The following CLASP1 variants were observed in gnomAD, a reference collection of about 807,000 sequenced individuals.
The protein encoded by CLASP1 is cytoplasmic linker associated protein 1.
CLASP1 carries 38 observed loss-of-function variants against 192.3 expected under a neutral mutation model. That is an observed-to-expected ratio of 0.20 (90% CI 0.15 to 0.26). The LOEUF is 0.26. Among genes scored for constraint, CLASP1 ranks in the 10% least tolerant of loss-of-function variants. CLASP1 has a pLI of 1.00. For missense variants in CLASP1, 1,433 were observed against 1,932.5 expected (o/e 0.74, Z 4.85); for synonymous variants, 691 against 712.8 (o/e 0.97, Z 0.49).
chr2:121,342,831 G>A (rs2062954063), intron 39 of CLASP1, among the ~76,000 whole-genome samples: 1 of 152,150 alleles, frequency 6.6e-6, no homozygotes, highest in Non-Finnish European at 1.5e-5. Flanking sequence ...TACTTGGGGA[G>A]GGGCTGAGAT....
At chr2:121,441,497 A>T (rs2083334627) in intron 19 of CLASP1, among the ~76,000 whole-genome samples, 1 of 152,190 alleles carries the variant, frequency 6.6e-6, no homozygotes, top group South Asian at 2.1e-4. Flanking sequence ...AGGCTGAGGC[A>T]GGAGGATGAC....
intron 35 of CLASP1, among the ~76,000 whole-genome samples, chr2:121,366,355 G>A (rs2067407170): frequency 6.6e-6 from 1 of 152,224 alleles, no homozygotes; most frequent in Admixed American, 6.5e-5. Flanking sequence ...AGTCTGAGAT[G>A]CTACCCACCA....
intron 28 of CLASP1, 104 bp from the exon 30 acceptor site, chr2:121,398,504 C>A (rs929749077): frequency 2.7e-6 from 2 of 741,650 alleles, no homozygotes; most frequent in Non-Finnish European, 4.4e-6. Flanking sequence ...GTATGTAAAA[C>A]CCTGTTCACA....
At chr2:121,524,322 A>G (rs2094523960) in intron 6 of CLASP1, among the ~76,000 whole-genome samples, 1 of 152,268 alleles carries the variant, frequency 6.6e-6, no homozygotes. Context: ...GAGGAAGGAT[A>G]CAAAACGATA....
At chr2:121,437,507 C>T (rs929319139) in intron 19 of CLASP1, among the ~76,000 whole-genome samples, 9 of 152,120 alleles carry the variant, frequency 5.9e-5, no homozygotes, top group African/African-American at 2.2e-4. Flanking sequence ...GCTGTGGACA[C>T]AAGTAATCCA....
At position 121,635,367 on chromosome 2, in the gene CLASP1, T is replaced by C. The variant is rs531444407; in HGVS notation, c.-286+14005A>G. On this transcript the variant is annotated intron_variant, in intron 1 of 39. Coordinates refer to ENST00000263710, the Ensembl canonical transcript of CLASP1. Reference sequence around the variant, plus strand: ...GAGAATAAAATAATTCCTTCCTTTGTTTCCACTATTAATAATAAATGTCTT... The same window carrying C: ...GAGAATAAAATAATTCCTTCCTTTGCTTCCACTATTAATAATAAATGTCTT... Among the ~76,000 whole-genome samples the C allele has an allele frequency of 7.2e-5, 11 of 152,332 alleles. No homozygotes were observed. In the East Asian group the frequency reaches 7.7e-4, roughly 11 times the overall value.
Position 121,544,942 on chromosome 2 carries a change from C to T in CLASP1, c.196-14617G>A, listed in dbSNP as rs1363083602. Among the ~76,000 whole-genome samples the T allele has an allele frequency of 6.1e-5, 9 of 148,526 alleles. 1 individual carries two copies. The South Asian group carries it at 1.9e-3, about 31-fold the overall frequency. On this transcript the variant is annotated intron_variant, in intron 2 of 39. Transcript: ENST00000263710. ...TTTTTTTATTTTTGAGACGGAGTCT[C>T]GCTCTGTCACCCAGGCTGGAGTGTA...
At chr2:121,398,239 A>C in intron 29 of CLASP1, 83 bp downstream of exon 30, 2 of 984,302 alleles carry the variant, frequency 2.0e-6, no homozygotes, top group Admixed American at 2.2e-5. Flanking sequence ...CACAATAGCT[A>C]AACATGGGTC....
intron 1 of CLASP1, among the ~76,000 whole-genome samples, chr2:121,628,801 T>C (rs1201726917): frequency 6.7e-6 from 1 of 149,830 alleles, no homozygotes; most frequent in Non-Finnish European, 1.5e-5. Flanking sequence ...CAGTTCAAAA[T>C]CTAAGAATGC....
chr2:121,627,108 A>T (rs540315882), intron 1 of CLASP1, among the ~76,000 whole-genome samples: 1 of 152,188 alleles, frequency 6.6e-6, no homozygotes, highest in African/African-American at 2.4e-5. Context: ...CATGATCAAA[A>T]ATAGGAAAAA....
At chr2:121,624,087 A>T (rs1408914119) in intron 1 of CLASP1, among the ~76,000 whole-genome samples, 2 of 151,786 alleles carry the variant, frequency 1.3e-5, no homozygotes, top group Non-Finnish European at 2.9e-5. Context: ...TTTGCACAGA[A>T]CCTATTTTTG....
At chr2:121,625,148 T>C (rs1192843075) in intron 1 of CLASP1, among the ~76,000 whole-genome samples, 1 of 152,212 alleles carries the variant, frequency 6.6e-6, no homozygotes, top group Non-Finnish European at 1.5e-5. Context: ...GAAGGGGTGT[T>C]CTATAAATGT....
intron 15 of CLASP1, among the ~76,000 whole-genome samples, chr2:121,451,537 G>A (rs908885798): frequency 3.3e-5 from 5 of 152,238 alleles, no homozygotes; most frequent in Non-Finnish European, 4.4e-5. Flanking sequence ...AGCAGGGCCA[G>A]AGTCAGTAAC....
chr2:121,390,348 G>A (rs148228602), intron 30 of CLASP1, among the ~76,000 whole-genome samples: 294 of 152,284 alleles, frequency 1.9e-3, no homozygotes, highest in Non-Finnish European at 3.2e-3. Context: ...TGTTATCTTC[G>A]TAAGAGGCAA....
chr2:121,595,942 A>C (rs2063090003), intron 2 of CLASP1, among the ~76,000 whole-genome samples: 1 of 152,248 alleles, frequency 6.6e-6, no homozygotes, highest in South Asian at 2.1e-4. Flanking sequence ...TCCTCTATGT[A>C]GTAAATATCA....
intron 6 of CLASP1, among the ~76,000 whole-genome samples, chr2:121,525,554 T>C (rs1489819560): frequency 6.6e-6 from 1 of 152,168 alleles, no homozygotes; most frequent in African/African-American, 2.4e-5. Flanking sequence ...CATCTTATCT[T>C]GGAGGCTGGT....
chr2:121,624,166 C>G (rs182137584), intron 1 of CLASP1, among the ~76,000 whole-genome samples: 1 of 151,796 alleles, frequency 6.6e-6, no homozygotes, highest in Admixed American at 6.6e-5. Context: ...TTATTATATT[C>G]CTTCTGCTCA....
intron 7 of CLASP1, among the ~76,000 whole-genome samples, chr2:121,510,520 T>TAA (rs1192419650): frequency 6.6e-6 from 1 of 152,108 alleles, no homozygotes; most frequent in African/African-American, 2.4e-5. Flanking sequence ...AATAGACCCC[T>TAA]AACAAGTAGA....
intron 4 of CLASP1, 113 bp downstream of exon 4, chr2:121,528,561 ATAC>A: frequency 3.9e-6 from 3 of 769,930 alleles, no homozygotes; most frequent in Non-Finnish European, 6.8e-6. Context: ...TTTATCTGTA[ATAC>A]ATCAGCTTAA....
Sources: gnomAD v4.1 joint callset for allele counts (sites outside exome capture counted in the v4.1 genomes callset) on GRCh38, gnomAD v4.1.1 for gene constraint, MANE v1.5 for transcripts, NCBI Gene and HGNC (gene_info 2026-07-23, HGNC 2026-07-21) for gene names.